The following DLGAP1 variants were observed in gnomAD, a reference collection of about 807,000 sequenced individuals.
DLGAP1 encodes DLG associated protein 1.
A neutral mutation model predicts 90.8 loss-of-function variants in DLGAP1; 11 were observed. The observed-to-expected ratio is 0.12, with a 90% CI of 0.08 to 0.20. DLGAP1 has a LOEUF of 0.20. Ranked by LOEUF, DLGAP1 falls within the 10% of genes least tolerant of loss-of-function variation. DLGAP1 has a pLI of 1.00. For missense variants in DLGAP1, 1,050 were observed against 1,333.8 expected (o/e 0.79, Z 3.31); for synonymous variants, 558 against 540.7 (o/e 1.03, Z -0.44).
At chr18:3,590,236 A>T (rs535213287) in intron 7 of DLGAP1, among the ~76,000 whole-genome samples, 1 of 152,316 alleles carries the variant, frequency 6.6e-6, no homozygotes, top group African/African-American at 2.4e-5. Flanking sequence ...AAAGATTTTT[A>T]AAATCTAATG....
intron 7 of DLGAP1, among the ~76,000 whole-genome samples, chr18:3,625,235 A>C (rs747524870): frequency 6.6e-6 from 1 of 152,208 alleles, no homozygotes; most frequent in Non-Finnish European, 1.5e-5. Flanking sequence ...TTTATCAGGT[A>C]TGGATACACT....
intron 2 of DLGAP1, among the ~76,000 whole-genome samples, chr18:4,115,555 G>A (rs964103744): frequency 2.7e-5 from 4 of 150,338 alleles, no homozygotes; most frequent in Non-Finnish European, 5.9e-5. Context: ...GCGAGATCTC[G>A]GCTCACCGCA....
intron 1 of DLGAP1, among the ~76,000 whole-genome samples, chr18:4,356,055 T>C (rs2081506865): frequency 6.6e-6 from 1 of 151,882 alleles, no homozygotes; most frequent in Non-Finnish European, 1.5e-5. Context: ...TTCATCTCCA[T>C]TGCACATCTG....
At chr18:4,336,546 A>G (rs904667252) in intron 1 of DLGAP1, among the ~76,000 whole-genome samples, 2 of 152,170 alleles carry the variant, frequency 1.3e-5, no homozygotes, top group African/African-American at 2.4e-5. Flanking sequence ...TACATAATAT[A>G]CTAGTGTGTC....
At chr18:4,012,643 T>A (rs962742245) in intron 2 of DLGAP1, among the ~76,000 whole-genome samples, 2 of 152,196 alleles carry the variant, frequency 1.3e-5, no homozygotes, top group Non-Finnish European at 2.9e-5. Flanking sequence ...AACTGGTCTA[T>A]GTATTTGACA....
intron 2 of DLGAP1, among the ~76,000 whole-genome samples, chr18:4,080,256 G>A (rs1296497806): frequency 6.6e-6 from 1 of 151,910 alleles, no homozygotes; most frequent in African/African-American, 2.4e-5. Flanking sequence ...CTACACTATG[G>A]GTCTTAATGA....
chr18:3,867,725 A>G (rs56013778), intron 4 of DLGAP1, among the ~76,000 whole-genome samples: 5,221 of 152,270 alleles, frequency 0.034, 116 homozygotes, highest in Non-Finnish European at 0.053. Context: ...TGGAAAGGCT[A>G]CAGGAATTGG....
In DLGAP1 at chr18:3,963,822, C is replaced by A. The variant is rs118153400; in HGVS notation, c.-73+41294G>T. On this transcript the variant is annotated intron_variant, in intron 3 of 12. Coordinates refer to ENST00000315677, the MANE Select transcript of DLGAP1 (RefSeq NM_004746.4). ...GGCTATCTGCTGTGACAGCCACTGG[C>A]CACATGTGACCATTGAGCCCTAGAT... Among the ~76,000 whole-genome samples the A allele has an allele frequency of 6.3e-3, 964 of 152,130 alleles. 2 individuals are homozygous for A. The highest frequency in any genetic ancestry group is 8.8e-3 in the Non-Finnish European group (596 of 68,000).
intron 1 of DLGAP1, among the ~76,000 whole-genome samples, chr18:4,208,141 G>A (rs16946259): frequency 0.058 from 8,799 of 152,212 alleles, 880 homozygotes; most frequent in African/African-American, 0.2. Context: ...ACAACAATCA[G>A]AGAGGAAATA....
intron 1 of DLGAP1, among the ~76,000 whole-genome samples, chr18:4,257,365 G>C (rs552604090): frequency 6.6e-6 from 1 of 152,062 alleles, no homozygotes. Flanking sequence ...CTGGTTACCC[G>C]GTTAAATCTA....
At chr18:3,596,902 G>T in intron 7 of DLGAP1, 1 of 520,076 alleles carries the variant, frequency 1.9e-6, no homozygotes, top group South Asian at 1.4e-5. Context: ...GCATGATCTA[G>T]CAGGCCAAAT....
At chr18:3,558,377 C>T (rs1417371361) in intron 9 of DLGAP1, among the ~76,000 whole-genome samples, 1 of 152,106 alleles carries the variant, frequency 6.6e-6, no homozygotes, top group Non-Finnish European at 1.5e-5. Flanking sequence ...GAACCACAGG[C>T]ACGTGCTATA....
At chr18:3,989,615 C>A (rs2073919712) in intron 3 of DLGAP1, among the ~76,000 whole-genome samples, 1 of 152,198 alleles carries the variant, frequency 6.6e-6, no homozygotes, top group Non-Finnish European at 1.5e-5. Context: ...ACTTGTCAGT[C>A]TTGATTTGAA....
At chr18:4,356,108 G>A (rs12604535) in intron 1 of DLGAP1, among the ~76,000 whole-genome samples, 14,813 of 151,694 alleles carry the variant, frequency 0.098, 764 homozygotes, top group African/African-American at 0.14. Flanking sequence ...GAAGTGCACC[G>A]TAGTCAGTTG....
chr18:3,678,491 T>C (rs1464774869), intron 7 of DLGAP1, among the ~76,000 whole-genome samples: 1 of 152,222 alleles, frequency 6.6e-6, no homozygotes, highest in East Asian at 1.9e-4. Flanking sequence ...CTGCTTAATA[T>C]GATCGTTGTT....
intron 1 of DLGAP1, among the ~76,000 whole-genome samples, chr18:4,415,608 T>C (rs1317291585): frequency 6.6e-6 from 1 of 152,208 alleles, no homozygotes; most frequent in Non-Finnish European, 1.5e-5. Flanking sequence ...ACTTATTTTC[T>C]ACTGTTAATA....
intron 6 of DLGAP1, among the ~76,000 whole-genome samples, chr18:3,732,316 C>T (rs1161990613): frequency 6.6e-6 from 1 of 152,192 alleles, no homozygotes; most frequent in African/African-American, 2.4e-5. Context: ...GTTTGTCTCT[C>T]TTCTATGTTG....
chr18:3,943,451 G>GT (rs11453774), intron 3 of DLGAP1, among the ~76,000 whole-genome samples: 43,751 of 131,072 alleles, frequency 0.33, 7,908 homozygotes, highest in Middle Eastern at 0.46. Context: ...GAAAGAGAGG[G>GT]TTTTTTTTTT....
At chr18:4,240,823 C>A (rs1377158343) in intron 1 of DLGAP1, among the ~76,000 whole-genome samples, 18 of 152,130 alleles carry the variant, frequency 1.2e-4, no homozygotes. Context: ...TTGAAAAGAT[C>A]AACAAATGAT....
Sources: gnomAD v4.1 joint callset for allele counts (sites outside exome capture counted in the v4.1 genomes callset) on GRCh38, gnomAD v4.1.1 for gene constraint, MANE v1.5 for transcripts, NCBI Gene and HGNC (gene_info 2026-07-23, HGNC 2026-07-21) for gene names.